ITPR2: variants seen among roughly 807,000 people sequenced by gnomAD.
The protein encoded by ITPR2 is inositol 1,4,5-trisphosphate receptor type 2.
A neutral mutation model predicts 317.1 loss-of-function variants in ITPR2; 207 were observed. The observed-to-expected ratio is 0.65, with a 90% confidence interval of 0.58 to 0.73. The LOEUF is 0.73. Among genes scored for constraint, ITPR2 ranks in the 30% least tolerant of loss-of-function variants. The pLI is 0.00. For synonymous variants in ITPR2, 1,156 were observed against 1,149.1 expected, an observed-to-expected ratio of 1.01 and a Z score of -0.12; for missense variants, 2,613 against 3,284.0, an observed-to-expected ratio of 0.80 and a Z score of 4.99.
intron 34 of ITPR2, among the ~76,000 whole-genome samples, chr12:26,571,564 C>A (rs1945160775): frequency 6.6e-6 from 1 of 152,244 alleles, no homozygotes; most frequent in Admixed American, 6.5e-5. Context: ...AAACAGGTAA[C>A]ACATCTGCTT....
intron 2 of ITPR2, among the ~76,000 whole-genome samples, chr12:26,749,429 A>AT (rs1216922963): frequency 2.6e-5 from 4 of 152,008 alleles, no homozygotes; most frequent in African/African-American, 9.7e-5. Context: ...TTCAATCACT[A>AT]TTTTTTTTCT....
intron 37 of ITPR2, among the ~76,000 whole-genome samples, chr12:26,507,851 CTCTCTCTG>C (rs1398532492): frequency 1.0e-5 from 1 of 99,774 alleles, no homozygotes; most frequent in Non-Finnish European, 2.4e-5. Flanking sequence ...CTCTACTCTT[CTCTCTCTG>C]TCTCTGTGTG....
At chr12:26,648,510 CTTT>C (rs34607660) in intron 21 of ITPR2, among the ~76,000 whole-genome samples, 6 of 131,342 alleles carry the variant, frequency 4.6e-5, no homozygotes, top group Admixed American at 7.7e-5. Flanking sequence ...AAACCACTTT[CTTT>C]TTTTTTTTTT....
Position 26,715,213 on chromosome 12 carries a change from A to C in ITPR2, c.855+86T>G, listed in dbSNP as rs533713746. Reference sequence around the variant, plus strand: ...CTATTTTATGATTCTATCATAAATGATGCCTATAACAATAAAACAACAAGC... The same window carrying C: ...CTATTTTATGATTCTATCATAAATGCTGCCTATAACAATAAAACAACAAGC... On this transcript the variant is annotated intron_variant, in intron 8 of 56. Transcript: ENST00000381340. 3 of 1,153,268 alleles carry C rather than the reference A, an allele frequency of 2.6e-6. No homozygotes were observed. In the East Asian group the frequency reaches 7.1e-5, roughly 27 times the overall value. 71.4% of individuals were successfully genotyped at this position (1,153,268 alleles called of 1,614,324 possible). A position where few individuals can be genotyped will look rare whatever the true frequency, so the allele number is the denominator to read the frequency against.
At chr12:26,796,446 GA>G (rs1038831046) in intron 1 of ITPR2, among the ~76,000 whole-genome samples, 1 of 152,100 alleles carries the variant, frequency 6.6e-6, no homozygotes, top group African/African-American at 2.4e-5. Flanking sequence ...AGTAAGGTAA[GA>G]AAAAAATTGA....
At chr12:26,782,026 ATATATATG>A (rs1328027263) in intron 2 of ITPR2, among the ~76,000 whole-genome samples, 104 of 26,162 alleles carry the variant, frequency 4.0e-3, no homozygotes, top group East Asian at 0.013. Context: ...ATATATATAT[ATATATATG>A]TATAGAGAGA....
chr12:26,521,721 C>A (rs1943672111), intron 37 of ITPR2, among the ~76,000 whole-genome samples: 1 of 152,138 alleles, frequency 6.6e-6, no homozygotes, highest in African/African-American at 2.4e-5. Flanking sequence ...CATATCTCAT[C>A]TTTTAAAGAC....
intron 45 of ITPR2, among the ~76,000 whole-genome samples, chr12:26,454,704 C>T (rs1206837717): frequency 6.6e-6 from 1 of 150,696 alleles, no homozygotes; most frequent in South Asian, 2.1e-4. Flanking sequence ...ACTGGGAAAA[C>T]TTAGAGAGCT....
At chr12:26,385,012 G>A (rs979159096) in intron 55 of ITPR2, among the ~76,000 whole-genome samples, 4 of 152,098 alleles carry the variant, frequency 2.6e-5, no homozygotes, top group African/African-American at 7.2e-5. Context: ...CATTTACAGA[G>A]AGGATCTCTG....
At chr12:26,653,313 C>G (rs772395033) in intron 21 of ITPR2, among the ~76,000 whole-genome samples, 3 of 139,802 alleles carry the variant, frequency 2.1e-5, no homozygotes, top group Non-Finnish European at 3.0e-5. Context: ...GGCACGATGT[C>G]AGCTCACTGC....
chr12:26,497,097 A>C (rs1196594205), intron 37 of ITPR2, among the ~76,000 whole-genome samples: 1 of 141,860 alleles, frequency 7.0e-6, no homozygotes, highest in Non-Finnish European at 1.5e-5. Flanking sequence ...TGTAGCTTCC[A>C]ATAGAGTCTT....
Position 26,759,127 on chromosome 12 carries a change from A to G in ITPR2, c.163+31030T>C, listed in dbSNP as rs1307799981. 1.8e-4 allele frequency among the ~76,000 whole-genome samples: 28 copies of G among 152,236 alleles called. 1 individual carries two copies. Among genetic ancestry groups the G allele is most frequent in the Admixed American group, 1.8e-3 (28 of 15,284 alleles). ...TCAGAAATAAATGAATGATACATGC[A>G]CATAAATTCTCACCGTTTCAAAAAA... On this transcript the variant is annotated intron_variant, in intron 2 of 56. Transcript: ENST00000381340.
chr12:26,646,040 A>T (rs1947106158), intron 21 of ITPR2, among the ~76,000 whole-genome samples: 2 of 136,314 alleles, frequency 1.5e-5, no homozygotes, highest in African/African-American at 5.7e-5. Flanking sequence ...TGGTTTCAGG[A>T]CATTCAAGCT....
chr12:26,575,236 A>T (rs543234638), intron 34 of ITPR2, among the ~76,000 whole-genome samples: 5 of 149,184 alleles, frequency 3.4e-5, no homozygotes, highest in African/African-American at 9.9e-5. Context: ...AGGCAAAGGG[A>T]TGTTGCTGAA....
intron 1 of ITPR2, among the ~76,000 whole-genome samples, chr12:26,795,517 A>G (rs965369240): frequency 2.0e-5 from 3 of 151,050 alleles, no homozygotes; most frequent in African/African-American, 7.3e-5. Context: ...ATTAAAAGTA[A>G]GACTTCCATC....
chr12:26,711,426 C>T (rs1037086748), intron 8 of ITPR2, among the ~76,000 whole-genome samples, 158 bp from the exon 9 acceptor site: 2 of 152,198 alleles, frequency 1.3e-5, no homozygotes, highest in African/African-American at 4.8e-5. Flanking sequence ...CAAAATTCCC[C>T]ATAAATGAGC....
intron 52 of ITPR2, among the ~76,000 whole-genome samples, chr12:26,403,662 CAA>C (rs1360028323): frequency 6.6e-6 from 1 of 152,048 alleles, no homozygotes; most frequent in Admixed American, 6.6e-5. Context: ...AGCAGTGATG[CAA>C]AGAGACAGAA....
chr12:26,725,411 G>A (rs1394395424), intron 3 of ITPR2, among the ~76,000 whole-genome samples: 1 of 152,152 alleles, frequency 6.6e-6, no homozygotes, highest in Non-Finnish European at 1.5e-5. Context: ...TTGATGGGAA[G>A]CTTTGAATTA....
At chr12:26,589,821 T>A (rs1212439814) in intron 32 of ITPR2, among the ~76,000 whole-genome samples, 374 of 31,580 alleles carry the variant, frequency 0.012, 72 homozygotes, top group Middle Eastern at 0.021. Flanking sequence ...AATAAATAAA[T>A]AAATAAATAA....
Sources: gnomAD v4.1 joint callset for allele counts (sites outside exome capture counted in the v4.1 genomes callset) on GRCh38, gnomAD v4.1.1 for gene constraint, MANE v1.5 for transcripts, NCBI Gene and HGNC (gene_info 2026-07-23, HGNC 2026-07-21) for gene names.